Variants in ADAM2 observed in about 807,000 individuals in gnomAD.
ADAM2 encodes the protein ADAM metallopeptidase domain 2.
In ADAM2, 101 loss-of-function variants were observed where a neutral mutation model predicts 99.3. The observed-to-expected ratio is 1.02, with a 90% CI of 0.87 to 1.20. The LOEUF is 1.20. Among genes scored for constraint, ADAM2 ranks in the 50% most tolerant of loss-of-function variants. ADAM2 has a pLI of 0.00. For synonymous variants in ADAM2, 323 were observed against 287.6 expected, an observed-to-expected ratio of 1.12 and a Z score of -1.25; for missense variants, 948 against 878.7, an observed-to-expected ratio of 1.08 and a Z score of -1.00.
rs541757629 is a variant in ADAM2, at chr8:39,748,600, A to C, written c.2014+712T>G. Among the ~76,000 whole-genome samples the C allele has an allele frequency of 5.3e-5, 8 of 152,256 alleles. No homozygotes were observed. The South Asian group carries it at 1.7e-3, about 32-fold the overall frequency. On this transcript the variant is annotated intron_variant, in intron 18 of 20. Transcript: ENST00000265708. ...CTCCTGGTCCTAAGTATTATTGGAT[A>C]TGCCAGTTAACTTCTGGCTTTCTCT...
chr8:39,822,929 C>A (rs947276618), intron 4 of ADAM2, among the ~76,000 whole-genome samples: 24 of 152,030 alleles, frequency 1.6e-4, no homozygotes, highest in Non-Finnish European at 3.5e-4. Context: ...CTGCCATGCC[C>A]AGCTAATTTT....
At chr8:39,795,526 G>T (rs891895621) in intron 7 of ADAM2, among the ~76,000 whole-genome samples, 2 of 152,108 alleles carry the variant, frequency 1.3e-5, no homozygotes, top group Non-Finnish European at 2.9e-5. Context: ...TTAACAATCA[G>T]AAAATTTTTA....
At chr8:39,792,633 C>T (rs985414935) in intron 7 of ADAM2, among the ~76,000 whole-genome samples, 5 of 151,976 alleles carry the variant, frequency 3.3e-5, no homozygotes, top group African/African-American at 1.2e-4. Flanking sequence ...GGTCAAGATC[C>T]TGAGCTCAGA....
At chr8:39,782,805 T>TC (rs1730444327) in intron 10 of ADAM2, among the ~76,000 whole-genome samples, 4 of 152,262 alleles carry the variant, frequency 2.6e-5, no homozygotes, top group African/African-American at 9.6e-5. Context: ...AACTTGTATA[T>TC]ATCTTCAAAA....
chr8:39,838,222 G>T lies in ADAM2; in HGVS notation c.-37C>A, dbSNP rs1175096036. 2 of 1,612,888 alleles carry T rather than the reference G, an allele frequency of 1.2e-6. No individual in the cohort carries two copies. Among genetic ancestry groups the T allele is most frequent in the East Asian group, 2.2e-5 (1 of 44,866 alleles). On this transcript the variant is annotated 5_prime_UTR_variant, in exon 1 of 21. It adds an upstream start codon to the 5' untranslated region. Coordinates refer to ENST00000265708, the MANE Select transcript of ADAM2 (RefSeq NM_001464.5). ...CTGGGTCCCAGCCGGAATAATGGCA[G>T]TTGGTGGTTACAGGGCAGTTGGAAG...
chr8:39,820,848 A>G (rs115784900), intron 6 of ADAM2, among the ~76,000 whole-genome samples, 154 bp downstream of exon 6: 2,394 of 152,264 alleles, frequency 0.016, 68 homozygotes, highest in African/African-American at 0.055. Context: ...GCTTAATGAT[A>G]TAAGTTATGA....
At chr8:39,802,547 C>T (rs1804265058) in intron 7 of ADAM2, among the ~76,000 whole-genome samples, 1 of 152,050 alleles carries the variant, frequency 6.6e-6, no homozygotes, top group Admixed American at 6.5e-5. Context: ...TGTGTGTGAC[C>T]CTTCACACTC....
intron 3 of ADAM2, among the ~76,000 whole-genome samples, chr8:39,829,184 A>G (rs997132002): frequency 6.6e-6 from 1 of 151,952 alleles, no homozygotes; most frequent in African/African-American, 2.4e-5. Context: ...AGAGGATTAT[A>G]TAAGATTTAG....
intron 11 of ADAM2, among the ~76,000 whole-genome samples, chr8:39,773,834 A>C (rs1224213920): frequency 6.6e-6 from 1 of 151,868 alleles, no homozygotes; most frequent in Non-Finnish European, 1.5e-5. Flanking sequence ...AGTTATATGA[A>C]GCCCGTGTAA....
intron 6 of ADAM2, among the ~76,000 whole-genome samples, chr8:39,816,151 G>T (rs1284241510): frequency 6.6e-6 from 1 of 152,056 alleles, no homozygotes; most frequent in Non-Finnish European, 1.5e-5. Context: ...CAAAAAATTA[G>T]CCGAGCGTGG....
At chr8:39,809,009 A>G (rs1357975213) in intron 7 of ADAM2, among the ~76,000 whole-genome samples, 2 of 152,140 alleles carry the variant, frequency 1.3e-5, no homozygotes, top group African/African-American at 2.4e-5. Context: ...ATACTTAATC[A>G]CCACCTTTCA....
intron 3 of ADAM2, among the ~76,000 whole-genome samples, chr8:39,827,339 G>T (rs1037830491): frequency 6.6e-6 from 1 of 152,056 alleles, no homozygotes; most frequent in African/African-American, 2.4e-5. Flanking sequence ...TTCTCAAAAT[G>T]TTAAAAATAG....
Position 39,749,461 on chromosome 8 carries a change from G to A in ADAM2, c.1876-11C>T, listed in dbSNP as rs1823619507. On this transcript the variant is annotated splice_polypyrimidine_tract_variant and intron_variant, in intron 17 of 20. Transcript: ENST00000265708. ...TTTGTTATTGCATACCTAAAAGAAG[G>A]AGAAATATCACCTTATAAGATAAGC... is the stretch of plus-strand genomic sequence containing the variant. 3.7e-6 allele frequency: 6 copies of A among 1,607,562 alleles called. No individual in the cohort carries two copies. In the East Asian group the frequency reaches 1.1e-4, roughly 30 times the overall value.
chr8:39,794,806 A>G (rs1197320522), intron 7 of ADAM2, among the ~76,000 whole-genome samples: 1 of 152,100 alleles, frequency 6.6e-6, no homozygotes, highest in African/African-American at 2.4e-5. Flanking sequence ...CTCTTGAGAC[A>G]GGAGTCTTGC....
intron 4 of ADAM2, 33 bp downstream of exon 4, chr8:39,824,786 T>G: frequency 8.6e-7 from 1 of 1,168,514 alleles, no homozygotes; most frequent in Non-Finnish European, 1.3e-6. Context: ...GACACTCACA[T>G]GACAAAAATA....
intron 16 of ADAM2, among the ~76,000 whole-genome samples, chr8:39,750,282 A>T (rs1263979148): frequency 6.6e-6 from 1 of 152,134 alleles, no homozygotes; most frequent in East Asian, 1.9e-4. Context: ...CATTAAATAA[A>T]TATTTGAGTC....
intron 4 of ADAM2, 77 bp from the exon 5 acceptor site, chr8:39,821,739 A>T: frequency 9.6e-7 from 1 of 1,037,200 alleles, no homozygotes; most frequent in Non-Finnish European, 1.5e-6. Flanking sequence ...TAAAACATAT[A>T]TGTGTTTTGT....
intron 4 of ADAM2, among the ~76,000 whole-genome samples, chr8:39,822,276 T>A (rs1350898706): frequency 2.0e-5 from 3 of 152,186 alleles, no homozygotes; most frequent in Admixed American, 6.5e-5. Context: ...ATCTTCTTCC[T>A]TCCAGATGTG....
At chr8:39,761,773 T>C (rs1472936824) in intron 14 of ADAM2, among the ~76,000 whole-genome samples, 1 of 152,156 alleles carries the variant, frequency 6.6e-6, no homozygotes, top group African/African-American at 2.4e-5. Flanking sequence ...CTGTATAATT[T>C]TAATTCTCAT....
Sources: gnomAD v4.1 joint callset for allele counts (sites outside exome capture counted in the v4.1 genomes callset) on GRCh38, gnomAD v4.1.1 for gene constraint, MANE v1.5 for transcripts, NCBI Gene and HGNC (gene_info 2026-07-23, HGNC 2026-07-21) for gene names.